The following FAM117A variants were observed in gnomAD, a reference collection of about 807,000 sequenced individuals.
FAM117A encodes the protein protein FAM117A.
A neutral mutation model predicts 44.1 loss-of-function variants in FAM117A; 21 were observed. The observed-to-expected ratio is 0.48, with a 90% confidence interval of 0.34 to 0.69. The LOEUF (loss-of-function observed/expected upper bound fraction) is 0.69, where lower values mean the gene tolerates loss of function less well. FAM117A is among the 30% of genes least tolerant of loss of function. The pLI is 0.01. For missense variants in FAM117A, 498 were observed against 589.9 expected (o/e 0.84, Z 1.61); for synonymous variants, 220 against 238.3 (o/e 0.92, Z 0.71).
intron 1 of FAM117A, among the ~76,000 whole-genome samples, chr17:49,742,439 T>C (rs546317801): frequency 5.1e-4 from 77 of 152,362 alleles, no homozygotes; most frequent in African/African-American, 1.7e-3. Context: ...AGACAGCAGT[T>C]ACTTAGACAT....
chr17:49,726,601 C>T (rs967416359), intron 2 of FAM117A, among the ~76,000 whole-genome samples: 3 of 152,238 alleles, frequency 2.0e-5, no homozygotes, highest in South Asian at 4.1e-4. Flanking sequence ...GACTGTGTCC[C>T]CAGTTTCCAG....
intron 1 of FAM117A, among the ~76,000 whole-genome samples, chr17:49,752,400 A>G (rs984873523): frequency 6.6e-6 from 1 of 152,202 alleles, no homozygotes; most frequent in African/African-American, 2.4e-5. Flanking sequence ...TGGTTACACC[A>G]GGGGTCCCTT....
At position 49,722,587 on chromosome 17, in the gene FAM117A, A is replaced by T. The variant is rs957934191; in HGVS notation, c.374T>A (p.Leu125Gln). 5.0e-6 allele frequency: 8 copies of T among 1,613,600 alleles called. No homozygotes were observed. The highest frequency in any genetic ancestry group is 6.8e-6 in the Non-Finnish European group (8 of 1,179,826). Residue 125 changes from leucine to glutamine, a missense_variant, in exon 3 of 8, where the codon CTG becomes CAG. Leu to Gln is a moderately radical substitution (Grantham distance 113). Around this residue, in one of 3 missense-constraint regions of FAM117A, gnomAD observed 270 missense variants for 277.4 expected, o/e 0.97. Transcript: ENST00000240364. ...CTCACCTTCTAGCTCTTGCCAGGACAGGGGCGTCTGCAGGGAGAGAAACAC... is the reference window on the plus strand; with the variant it reads ...CTCACCTTCTAGCTCTTGCCAGGACTGGGGCGTCTGCAGGGAGAGAAACAC... ...CTNDKATQTP[L>Q]SWQELEGERA...
At chr17:49,727,108 G>C (rs1246309168) in intron 2 of FAM117A, among the ~76,000 whole-genome samples, 1 of 151,874 alleles carries the variant, frequency 6.6e-6, no homozygotes, top group Non-Finnish European at 1.5e-5. Context: ...AGACCAAAAA[G>C]TCATGTTTGT....
chr17:49,721,917 C>T (rs2073536322), intron 3 of FAM117A, among the ~76,000 whole-genome samples: 1 of 151,380 alleles, frequency 6.6e-6, no homozygotes, highest in Non-Finnish European at 1.5e-5. Context: ...CGGTGAAACC[C>T]ATCTCTACTA....
chr17:49,758,490 G>T (rs953417817), intron 1 of FAM117A, among the ~76,000 whole-genome samples: 6 of 151,524 alleles, frequency 4.0e-5, no homozygotes, highest in African/African-American at 1.5e-4. Flanking sequence ...CGGGTATGGT[G>T]GTGGGCACCT....
intron 1 of FAM117A, among the ~76,000 whole-genome samples, chr17:49,762,659 C>A (rs1207652777): frequency 6.6e-6 from 1 of 152,184 alleles, no homozygotes. Context: ...GCTCAAGAGA[C>A]TCTGGTTTAG....
At chr17:49,720,293 A>G (rs1163478072) in intron 4 of FAM117A, 33 bp downstream of exon 4, 2 of 1,563,370 alleles carry the variant, frequency 1.3e-6, no homozygotes, top group Non-Finnish European at 1.8e-6. Context: ...ATGGAGGAGA[A>G]CAGAGGGGAG....
At chr17:49,777,681 A>G (rs1400051959) in intron 1 of FAM117A, among the ~76,000 whole-genome samples, 2 of 152,156 alleles carry the variant, frequency 1.3e-5, no homozygotes, top group African/African-American at 2.4e-5. Context: ...GTTAAGTGCC[A>G]GGGATGGAAG....
intron 1 of FAM117A, among the ~76,000 whole-genome samples, chr17:49,757,199 C>A (rs550314851): frequency 2.0e-5 from 3 of 152,048 alleles, no homozygotes; most frequent in Non-Finnish European, 4.4e-5. Flanking sequence ...CCTCCACCCC[C>A]CCAGCAACTC....
upstream of FAM117A, chr17:49,789,042 C>G (rs2073847313): frequency 2.2e-6 from 1 of 444,690 alleles, no homozygotes; most frequent in Admixed American, 4.4e-5. Flanking sequence ...ATGCTTGCAA[C>G]TATTCCCGCC....
chr17:49,732,490 C>T (rs2073589796), intron 2 of FAM117A, 61 bp downstream of exon 2: 2 of 1,548,822 alleles, frequency 1.3e-6, no homozygotes, highest in Non-Finnish European at 1.8e-6. Context: ...CCAAAGGCCT[C>T]CTCAGCCAGC....
At chr17:49,739,901 G>A (rs1231467257) in intron 1 of FAM117A, among the ~76,000 whole-genome samples, 4 of 152,240 alleles carry the variant, frequency 2.6e-5, no homozygotes, top group Admixed American at 2.6e-4. Context: ...ACCACCTGGT[G>A]AAGCACCCTG....
intron 1 of FAM117A, among the ~76,000 whole-genome samples, chr17:49,786,232 A>G (rs192303482): frequency 6.6e-6 from 1 of 152,232 alleles, no homozygotes; most frequent in Non-Finnish European, 1.5e-5. Flanking sequence ...GAAACTGTAA[A>G]CTCTTTAGTG....
At chr17:49,773,140 C>T (rs928527720) in intron 1 of FAM117A, among the ~76,000 whole-genome samples, 4 of 152,116 alleles carry the variant, frequency 2.6e-5, no homozygotes, top group Non-Finnish European at 5.9e-5. Flanking sequence ...CCCGTCTCTA[C>T]TAAAAATACA....
At chr17:49,751,948 A>C (rs998550024) in intron 1 of FAM117A, among the ~76,000 whole-genome samples, 10 of 149,690 alleles carry the variant, frequency 6.7e-5, no homozygotes, top group Admixed American at 2.0e-4. Context: ...CATCTCAAAA[A>C]AAAAAAAAAA....
intron 1 of FAM117A, among the ~76,000 whole-genome samples, chr17:49,741,751 C>T (rs1001644549): frequency 6.6e-6 from 1 of 152,150 alleles, no homozygotes; most frequent in Non-Finnish European, 1.5e-5. Flanking sequence ...GAAGTTCCTC[C>T]TAGCAGCCTC....
chr17:49,763,109 G>T (rs977848433), intron 1 of FAM117A, among the ~76,000 whole-genome samples: 2 of 143,346 alleles, frequency 1.4e-5, no homozygotes, highest in African/African-American at 5.3e-5. Context: ...AAACTGCCCA[G>T]GTCTCCCCCC....
At chr17:49,759,626 G>T (rs887490808) in intron 1 of FAM117A, among the ~76,000 whole-genome samples, 1 of 152,158 alleles carries the variant, frequency 6.6e-6, no homozygotes, top group African/African-American at 2.4e-5. Flanking sequence ...GTAGCCACAC[G>T]GACCAGTTTG....
Sources: allele counts gnomAD v4.1 joint callset (sites outside exome capture counted in the v4.1 genomes callset), GRCh38; gene constraint gnomAD v4.1.1; regional missense constraint gnomAD v4.1.1; transcripts MANE v1.5; gene names NCBI Gene and HGNC (gene_info 2026-07-23, HGNC 2026-07-21).